RIPOR3: variants seen among roughly 807,000 people sequenced by gnomAD.
RIPOR3 encodes the protein family with sequence similarity 65 member C.
A neutral mutation model predicts 114.3 loss-of-function variants in RIPOR3; 95 were observed. The observed-to-expected ratio is 0.83, with a 90% CI of 0.70 to 0.99. The LOEUF (loss-of-function observed/expected upper bound fraction) is 0.99. RIPOR3 is among the 50% of genes least tolerant of loss of function. The probability of loss-of-function intolerance (pLI) is 0.00; values close to 1 mark genes in which losing one functional copy is unlikely to be tolerated. For missense variants in RIPOR3, 1,252 were observed against 1,266.9 expected, an observed-to-expected ratio of 0.99 and a Z score of 0.18; for synonymous variants, 575 against 543.8, an observed-to-expected ratio of 1.06 and a Z score of -0.80.
At chr20:50,588,312 C>T (rs1178919295) in intron 20 of RIPOR3, among the ~76,000 whole-genome samples, 2 of 151,550 alleles carry the variant, frequency 1.3e-5, no homozygotes, top group African/African-American at 4.9e-5. Context: ...CCGGCATGCG[C>T]TGCAGCGCCC....
intron 16 of RIPOR3, 114 bp downstream of exon 16, chr20:50,595,255 C>T (rs1333768479): frequency 7.1e-7 from 1 of 1,408,056 alleles, no homozygotes; most frequent in Non-Finnish European, 9.7e-7. Flanking sequence ...ACAGCCTCCA[C>T]TCTGGGCCCC....
intron 1 of RIPOR3, among the ~76,000 whole-genome samples, chr20:50,684,170 T>TGA (rs1568971353): frequency 6.6e-6 from 1 of 151,976 alleles, no homozygotes; most frequent in African/African-American, 2.4e-5. Flanking sequence ...TGTTAGATGA[T>TGA]GAGACGTGTG....
intron 4 of RIPOR3, among the ~76,000 whole-genome samples, chr20:50,611,569 A>G (rs2083981620): frequency 1.3e-5 from 2 of 152,214 alleles, no homozygotes; most frequent in Admixed American, 6.5e-5. Flanking sequence ...CCTTGACAAA[A>G]TGGGAACCAT....
intron 19 of RIPOR3, among the ~76,000 whole-genome samples, chr20:50,591,098 C>T (rs1031954568): frequency 2.6e-5 from 4 of 152,038 alleles, no homozygotes; most frequent in African/African-American, 7.3e-5. Context: ...AAATTAATTG[C>T]AAGCAGAGAA....
chr20:50,663,086 GAC>G, intron 1 of RIPOR3, among the ~76,000 whole-genome samples: 1 of 128,414 alleles, frequency 7.8e-6, no homozygotes, highest in East Asian at 2.3e-4. Flanking sequence ...GACAGAGAGA[GAC>G]TGTCTCAAAA....
chr20:50,640,614 G>A (rs1216934302), intron 1 of RIPOR3, among the ~76,000 whole-genome samples: 1 of 148,308 alleles, frequency 6.7e-6, no homozygotes, highest in Non-Finnish European at 1.5e-5. Flanking sequence ...CTGTCATCTC[G>A]GGGACACAGA....
intron 1 of RIPOR3, among the ~76,000 whole-genome samples, chr20:50,642,181 G>T (rs964050810): frequency 6.6e-6 from 1 of 151,994 alleles, no homozygotes; most frequent in African/African-American, 2.4e-5. Context: ...TAGGTTTACC[G>T]GCTTCCCAAT....
intron 1 of RIPOR3, among the ~76,000 whole-genome samples, chr20:50,660,977 C>T (rs1204008165): frequency 1.3e-5 from 2 of 151,860 alleles, no homozygotes; most frequent in Non-Finnish European, 2.9e-5. Context: ...GTGTCTCATG[C>T]CTGTAATCCC....
chr20:50,645,730 C>G (rs542241021), intron 1 of RIPOR3: 3 of 152,426 alleles, frequency 2.0e-5, no homozygotes, highest in African/African-American at 7.2e-5. Flanking sequence ...AGTCAACCCT[C>G]TGGAATGCCC....
chr20:50,606,774 G>C (rs1441084779), intron 11 of RIPOR3, among the ~76,000 whole-genome samples: 2 of 151,572 alleles, frequency 1.3e-5, no homozygotes, highest in Non-Finnish European at 2.9e-5. Context: ...CTGTCACCCA[G>C]GCTGGAGTGC....
At chr20:50,610,344 C>T (rs564692640) in intron 6 of RIPOR3, among the ~76,000 whole-genome samples, 1 of 152,272 alleles carries the variant, frequency 6.6e-6, no homozygotes, top group South Asian at 2.1e-4. Context: ...TGTCCCTTCA[C>T]CTCCTCTGCC....
At chr20:50,666,234 G>A (rs539251937) in intron 1 of RIPOR3, among the ~76,000 whole-genome samples, 32 of 11,758 alleles carry the variant, frequency 2.7e-3, no homozygotes, top group Admixed American at 0.017. Flanking sequence ...TTTTTGAGAC[G>A]GAGTCACGCT....
intron 4 of RIPOR3, among the ~76,000 whole-genome samples, chr20:50,611,452 C>T (rs6091182): frequency 0.75 from 113,595 of 152,116 alleles, 42,388 homozygotes; most frequent in South Asian, 0.81. Context: ...TTCCCAGCTG[C>T]GTGTCCCAGG....
chr20:50,619,751 C>A (rs527659137), intron 3 of RIPOR3, among the ~76,000 whole-genome samples: 1 of 152,206 alleles, frequency 6.6e-6, no homozygotes, highest in Non-Finnish European at 1.5e-5. Flanking sequence ...CTCTGCAGTG[C>A]GTGCTCCACA....
intron 6 of RIPOR3, 138 bp from the exon 7 acceptor site, chr20:50,609,860 C>A: frequency 7.1e-6 from 7 of 989,250 alleles, no homozygotes; most frequent in Non-Finnish European, 9.7e-6. Context: ...ACAGTCACTA[C>A]CTGTCCAGTC....
chr20:50,610,710 T>C (rs748095286), intron 6 of RIPOR3, 143 bp downstream of exon 6: 6 of 1,112,386 alleles, frequency 5.4e-6, no homozygotes, highest in Non-Finnish European at 7.9e-6. Flanking sequence ...CCCCTGCTCA[T>C]CCTTAGCCTC....
At chr20:50,599,001 TG>T (rs2083400375) in intron 13 of RIPOR3, among the ~76,000 whole-genome samples, 1 of 149,368 alleles carries the variant, frequency 6.7e-6, no homozygotes, top group Non-Finnish European at 1.5e-5. Flanking sequence ...AGGGAGTTAC[TG>T]GGTTAGGTTC....
At chr20:50,638,708 T>TAGCGGGAGGG (rs1260654785) in intron 1 of RIPOR3, among the ~76,000 whole-genome samples, 1 of 151,168 alleles carries the variant, frequency 6.6e-6, no homozygotes, top group Non-Finnish European at 1.5e-5. Context: ...AAAGATGGGG[T>TAGCGGGAGGG]AGCGGGAGGG....
At chr20:50,633,608 C>T (rs2426183) in intron 1 of RIPOR3, among the ~76,000 whole-genome samples, 76,146 of 152,078 alleles carry the variant, frequency 0.5, 22,423 homozygotes, top group African/African-American at 0.83. Flanking sequence ...GCACTGGAGC[C>T]GGAAGGGGCT....
Sources: gnomAD v4.1 joint callset for allele counts (sites outside exome capture counted in the v4.1 genomes callset) on GRCh38, gnomAD v4.1.1 for gene constraint, MANE v1.5 for transcripts, NCBI Gene and HGNC (gene_info 2026-07-23, HGNC 2026-07-21) for gene names.